Variants in FGD6 observed in about 807,000 individuals in gnomAD.
FGD6 encodes the protein FYVE, RhoGEF and PH domain containing 6.
In FGD6, 90 loss-of-function variants were observed where a neutral mutation model predicts 149.4. That is an observed-to-expected ratio of 0.60 (90% CI 0.51 to 0.72). The LOEUF (loss-of-function observed/expected upper bound fraction) is 0.72, where lower values mean the gene tolerates loss of function less well. Among genes scored for constraint, FGD6 ranks in the 30% least tolerant of loss-of-function variants. The pLI, the probability that FGD6 is intolerant of heterozygous loss-of-function variation, is 0.00. For missense variants in FGD6, 1,437 were observed against 1,684.8 expected, an observed-to-expected ratio of 0.85 and a Z score of 2.57; for synonymous variants, 527 against 584.0, an observed-to-expected ratio of 0.90 and a Z score of 1.41.
rs776894853 is a variant in FGD6 at position 95,084,538 on chromosome 12, A to G, written c.4216T>C (p.Phe1406Leu). ...VFQLLHKNML[F>L]YVFKAEDAHS... ...GCATCCTCTGCTTTGAATACATAAA[A>G]TAACATGTTTTTGTGCAGTAACTGA... is the stretch of plus-strand genomic sequence containing the variant. Residue 1406 changes from phenylalanine to leucine, a missense_variant, in exon 20 of 21, where the codon TTT (phenylalanine) becomes CTT (leucine). This residue lies in a region of FGD6 where 382 missense variants were observed against 538.7 expected (regional missense o/e 0.71). Coordinates refer to ENST00000343958, the MANE Select transcript of FGD6 (RefSeq NM_018351.4). 1 of 1,602,894 alleles carries G rather than the reference A, an allele frequency of 6.2e-7. No homozygotes were observed. The highest frequency in any genetic ancestry group is 2.3e-5 in the East Asian group (1 of 44,250).
chr12:95,083,036 C>CAT (rs1414351674), intron 20 of FGD6, among the ~76,000 whole-genome samples: 328 of 82,266 alleles, frequency 4.0e-3, no homozygotes, highest in Non-Finnish European at 5.4e-3. Flanking sequence ...TATATACACA[C>CAT]ACATACACAC....
At chr12:95,214,761 C>T (rs2056745022) in intron 1 of FGD6, among the ~76,000 whole-genome samples, 1 of 152,078 alleles carries the variant, frequency 6.6e-6, no homozygotes, top group Non-Finnish European at 1.5e-5. Flanking sequence ...ACTGGACCAG[C>T]CAAAACGCAA....
At chr12:95,089,809 C>CA (rs1402298824) in intron 17 of FGD6, 113 bp from the exon 18 acceptor site, 2 of 1,355,144 alleles carry the variant, frequency 1.5e-6, no homozygotes, top group African/African-American at 2.9e-5. Flanking sequence ...CACTAAGAAA[C>CA]AACATTGATA....
chr12:95,146,152 T>C (rs1023253119), intron 5 of FGD6, among the ~76,000 whole-genome samples: 1 of 152,198 alleles, frequency 6.6e-6, no homozygotes, highest in African/African-American at 2.4e-5. Flanking sequence ...AGCTGTGTGC[T>C]ACAGCCCCAA....
chr12:95,148,648 T>C (rs1880105338), intron 5 of FGD6, among the ~76,000 whole-genome samples: 1 of 115,114 alleles, frequency 8.7e-6, no homozygotes, highest in African/African-American at 3.5e-5. Flanking sequence ...ATATTATATA[T>C]ATTATATATT....
intron 8 of FGD6, among the ~76,000 whole-genome samples, chr12:95,117,550 C>A (rs866767345): frequency 1.3e-5 from 2 of 152,072 alleles, no homozygotes; most frequent in Non-Finnish European, 2.9e-5. Context: ...CCTCAGCCTC[C>A]CAAGTAGCTA....
rs773368153 is a variant in FGD6 at position 95,141,479 on chromosome 12, G to A, written c.2746C>T (p.Arg916Trp). The A allele has an allele frequency of 5.6e-6, 9 of 1,614,038 alleles. No homozygotes were observed. Among genetic ancestry groups the A allele is most frequent in the East Asian group, 4.5e-5 (2 of 44,880 alleles). ...RQLGKPVIEDRILNQILYYLP... is the reference protein window; with the variant it reads ...RQLGKPVIEDWILNQILYYLP... ...TAGTATAGGATCTGATTTAGAATCC[G>A]GTCCTCAATCACTGGTTTCCCAAGT... The change falls in exon 6 of 21, where the codon CGG (arginine) becomes TGG (tryptophan). Residue 916 changes from arginine to tryptophan, a missense_variant. Physicochemically the swap from Arg to Trp is moderately radical, Grantham distance 101. Transcript: ENST00000343958.
intron 8 of FGD6, among the ~76,000 whole-genome samples, chr12:95,131,956 C>T (rs1029002550): frequency 2.0e-5 from 3 of 152,094 alleles, no homozygotes; most frequent in African/African-American, 7.2e-5. Flanking sequence ...GGGAGGATAA[C>T]TTGAACCTGG....
chr12:95,105,723 AT>A (rs1434899674), intron 13 of FGD6, among the ~76,000 whole-genome samples: 1 of 152,216 alleles, frequency 6.6e-6, no homozygotes, highest in Non-Finnish European at 1.5e-5. Flanking sequence ...ACATGAATGA[AT>A]AATCAAATGC....
chr12:95,086,938 C>T (rs1377520599), intron 18 of FGD6, among the ~76,000 whole-genome samples: 5 of 149,004 alleles, frequency 3.4e-5, no homozygotes, highest in African/African-American at 1.2e-4. Flanking sequence ...ACCTCTGCCT[C>T]TTGGGTCCAA....
chr12:95,156,454 G>A (rs763987626), intron 3 of FGD6, among the ~76,000 whole-genome samples: 2 of 152,020 alleles, frequency 1.3e-5, no homozygotes, highest in Admixed American at 6.6e-5. Context: ...GGAAATTCCC[G>A]CCTAAAAAAT....
intron 2 of FGD6, among the ~76,000 whole-genome samples, chr12:95,204,111 T>C (rs957645922): frequency 6.6e-6 from 1 of 152,178 alleles, no homozygotes; most frequent in African/African-American, 2.4e-5. Flanking sequence ...ACTCCCAAAA[T>C]GTCAGAATAA....
chr12:95,147,801 ACAT>A (rs1169309922), intron 5 of FGD6, among the ~76,000 whole-genome samples: 3 of 152,334 alleles, frequency 2.0e-5, no homozygotes, highest in African/African-American at 7.2e-5. Context: ...AATTGATGTA[ACAT>A]AGCATGCTGC....
chr12:95,087,031 C>T (rs146477097), intron 18 of FGD6, among the ~76,000 whole-genome samples: 69 of 151,570 alleles, frequency 4.6e-4, no homozygotes, highest in African/African-American at 1.4e-3. Flanking sequence ...TATTTTTAGT[C>T]GAGACAGGGT....
intron 20 of FGD6, 82 bp downstream of exon 20, chr12:95,084,416 C>A (rs1592822592): frequency 1.6e-6 from 2 of 1,213,906 alleles, no homozygotes; most frequent in East Asian, 2.7e-5. Flanking sequence ...TGTCCCCATG[C>A]CTTAAAGTAG....
At chr12:95,084,780 A>G in intron 19 of FGD6, 134 bp from the exon 20 acceptor site, 1 of 604,416 alleles carries the variant, frequency 1.7e-6, no homozygotes, top group South Asian at 3.8e-5. Context: ...CTAACAACTT[A>G]CTCACTTCTC....
rs537653549 is a variant in FGD6, at chr12:95,088,219, A to G, written c.3978+1350T>C. On this transcript the variant is annotated intron_variant, in intron 18 of 20. Transcript: ENST00000343958. The stretch of plus-strand genomic sequence containing the variant: ...ACAAAACATGTCTTCCAATGATTTG[A>G]TTATTTACAAAATAAATCAGGGTTG... Among the ~76,000 whole-genome samples, 63 of 152,302 alleles carry G rather than the reference A, an allele frequency of 4.1e-4. No individual in the cohort carries two copies. The South Asian group carries it at 0.012, about 30-fold the overall frequency.
chr12:95,136,542 C>T (rs1729012497), intron 7 of FGD6, among the ~76,000 whole-genome samples: 1 of 152,124 alleles, frequency 6.6e-6, no homozygotes, highest in South Asian at 2.1e-4. Context: ...ATCAGGGTTC[C>T]ACCCTCACAG....
chr12:95,102,907 G>C (rs1878496432), intron 14 of FGD6, among the ~76,000 whole-genome samples: 1 of 152,166 alleles, frequency 6.6e-6, no homozygotes, highest in Non-Finnish European at 1.5e-5. Context: ...GGAAGATCAA[G>C]ATAATATCCA....
Sources: allele counts gnomAD v4.1 joint callset (sites outside exome capture counted in the v4.1 genomes callset), GRCh38; gene constraint gnomAD v4.1.1; regional missense constraint gnomAD v4.1.1; transcripts MANE v1.5; gene names NCBI Gene and HGNC (gene_info 2026-07-23, HGNC 2026-07-21).